Variants in DNAJC17 observed in about 807,000 individuals in gnomAD.
DNAJC17 encodes the protein dnaJ homolog subfamily C member 17.
Under a neutral mutation model 48.1 loss-of-function variants are expected in DNAJC17, and 35 were observed. The ratio of observed to expected loss-of-function variants is 0.73; its 90% CI spans 0.56 to 0.96. The LOEUF (loss-of-function observed/expected upper bound fraction) is 0.96, where lower values mean the gene tolerates loss of function less well. DNAJC17 is among the 50% of genes least tolerant of loss of function. The pLI, the probability that DNAJC17 is intolerant of heterozygous loss-of-function variation, is 0.00. For missense variants in DNAJC17, 355 were observed against 377.1 expected (o/e 0.94, Z 0.48); for synonymous variants, 117 against 142.7 (o/e 0.82, Z 1.28).
At position 40,807,456 on chromosome 15, in the gene DNAJC17, C is replaced by G. The variant is rs759376005; in HGVS notation, c.-10G>C. ...CCTTGGTCACTGCCATGGTTCCGGC[C>G]TGACGGATTCGTACTACAACTCCCA... On this transcript the variant is annotated 5_prime_UTR_variant, in exon 1 of 11. Coordinates refer to ENST00000220496, the MANE Select transcript of DNAJC17 (RefSeq NM_018163.3). 7 of 1,614,194 alleles carry G rather than the reference C, an allele frequency of 4.3e-6. No homozygotes were observed. The highest frequency in any genetic ancestry group is 5.9e-6 in the Non-Finnish European group (7 of 1,179,996).
At chr15:40,806,346 G>A (rs1782362264) in intron 1 of DNAJC17, among the ~76,000 whole-genome samples, 1 of 149,992 alleles carries the variant, frequency 6.7e-6, no homozygotes, top group African/African-American at 2.5e-5. Context: ...AGCCTCCCAA[G>A]TAGCTGGGAC....
rs114293944 is a variant in DNAJC17, at chr15:40,806,696, A to G, written c.78+673T>C. Reference sequence around the variant, plus strand: ...CATGATCCAGGGGGAGATAAAAGAAATCCTAAATCCAGCTTGATCAGTGTT... The same window carrying G: ...CATGATCCAGGGGGAGATAAAAGAAGTCCTAAATCCAGCTTGATCAGTGTT... On this transcript the variant is annotated intron_variant, in intron 1 of 10. Transcript: ENST00000220496. Among the ~76,000 whole-genome samples the G allele has an allele frequency of 6.6e-3, 999 of 152,210 alleles. 13 individuals are homozygous for G. The highest frequency in any genetic ancestry group is 0.023 in the African/African-American group (971 of 41,530).
chr15:40,776,781 A>C, intron 4 of DNAJC17, 154 bp from the exon 5 acceptor site: 1 of 677,178 alleles, frequency 1.5e-6, no homozygotes, highest in Non-Finnish European at 2.6e-6. Flanking sequence ...CCCCCGAGTC[A>C]ATTTCCATTG....
chr15:40,790,347 G>T (rs1201272059), intron 1 of DNAJC17, among the ~76,000 whole-genome samples: 1 of 152,184 alleles, frequency 6.6e-6, no homozygotes, highest in Non-Finnish European at 1.5e-5. Context: ...GCTGAGGCGG[G>T]TGGATCACTT....
In DNAJC17 at chr15:40,776,566, C is replaced by T. The variant is rs149784969; in HGVS notation, c.357G>A (p.Arg119=). 6.1e-5 allele frequency: 99 copies of T among 1,613,946 alleles called. No individual in the cohort carries two copies. The highest frequency in any genetic ancestry group is 4.9e-4 in the Middle Eastern group (3 of 6,084). Residue 119 remains arginine (R), a synonymous_variant, in exon 5 of 11, where the codon CGG becomes CGA. Transcript: ENST00000220496. ...AQESEEEEES[R]STRTLEQEIE... ...CCTCTTGCTCTAGTGTCCTGGTGCT[C>T]CGGCTCTCCTCTTCCTCCTCACTCT...
chr15:40,778,661 G>A (rs1412606532), intron 4 of DNAJC17, among the ~76,000 whole-genome samples: 1 of 152,194 alleles, frequency 6.6e-6, no homozygotes, highest in African/African-American at 2.4e-5. Context: ...TCAGAGGCCA[G>A]GTGCGGCAGC....
intron 1 of DNAJC17, among the ~76,000 whole-genome samples, chr15:40,804,114 G>GT (rs1355250032): frequency 4.6e-5 from 7 of 150,662 alleles, no homozygotes; most frequent in Non-Finnish European, 1.0e-4. Flanking sequence ...CTACAGGTGC[G>GT]TAACACCCTG....
intron 1 of DNAJC17, among the ~76,000 whole-genome samples, chr15:40,780,936 C>A (rs1195950059): frequency 6.6e-6 from 1 of 151,774 alleles, no homozygotes; most frequent in African/African-American, 2.4e-5. Context: ...CACTTGAGGT[C>A]AGGAGTAGGA....
chr15:40,768,035 CGTA>C lies in DNAJC17; in HGVS notation c.817_819del (p.Tyr273del), dbSNP rs1293152707. ...CGCATGCGCATCATGACGAGGCTCT[CGTA>C]GTCCCTCTCTGACAGCACTGAGCCC... is the stretch of plus-strand genomic sequence containing the variant. On this transcript the variant is annotated inframe_deletion, in exon 11 of 11. Coordinates refer to ENST00000220496, the MANE Select transcript of DNAJC17 (RefSeq NM_018163.3). The C allele has an allele frequency of 3.8e-6, 6 of 1,590,964 alleles. No homozygotes were observed. Among genetic ancestry groups the C allele is most frequent in the Non-Finnish European group, 5.1e-6 (6 of 1,170,878 alleles).
In DNAJC17 at chr15:40,769,572, C is replaced by A. The variant is rs1037741980; in HGVS notation, c.793-1510G>T. On this transcript the variant is annotated intron_variant, in intron 10 of 10. Transcript: ENST00000220496. The surrounding 1 kb of genome is among the most constrained non-coding windows in gnomAD (Gnocchi z 4.2). ...CTCCCCATTAACACACCCTCTGCCC[C>A]CCTTCCTGTTCCTGCTCGTGAGGGC... 3.3e-5 allele frequency among the ~76,000 whole-genome samples: 5 copies of A among 152,264 alleles called. No individual in the cohort carries two copies. Among genetic ancestry groups the A allele is most frequent in the African/African-American group, 9.6e-5 (4 of 41,474 alleles).
chr15:40,773,209 C>G (rs1268169176), intron 10 of DNAJC17, among the ~76,000 whole-genome samples: 1 of 152,184 alleles, frequency 6.6e-6, no homozygotes, highest in Non-Finnish European at 1.5e-5. Context: ...ATCCGCCCCC[C>G]TCGGCCTCCC....
At chr15:40,803,569 T>G (rs945827198) in intron 1 of DNAJC17, among the ~76,000 whole-genome samples, 6 of 152,324 alleles carry the variant, frequency 3.9e-5, no homozygotes, top group East Asian at 1.9e-4. Flanking sequence ...TTTGCTTTCT[T>G]GGAATGCCCT....
intron 4 of DNAJC17, among the ~76,000 whole-genome samples, chr15:40,777,516 C>T (rs1889363345): frequency 6.6e-6 from 1 of 151,890 alleles, no homozygotes; most frequent in Admixed American, 6.6e-5. Context: ...GTCAGGAGTT[C>T]GAGACCAGCC....
intron 8 of DNAJC17, among the ~76,000 whole-genome samples, chr15:40,774,645 G>A (rs1356936092): frequency 6.6e-6 from 1 of 152,266 alleles, no homozygotes; most frequent in Non-Finnish European, 1.5e-5. Flanking sequence ...GCAAAGGAAT[G>A]ATGAGCAAAG....
At chr15:40,779,717 G>A (rs1038116594) in intron 2 of DNAJC17, 114 bp from the exon 3 acceptor site, 4 of 1,255,774 alleles carry the variant, frequency 3.2e-6, no homozygotes, top group African/African-American at 1.5e-5. Flanking sequence ...CAGACAAGCC[G>A]ACATCAGCAG....
chr15:40,777,547 C>T (rs901188237), intron 4 of DNAJC17, among the ~76,000 whole-genome samples: 10 of 152,002 alleles, frequency 6.6e-5, no homozygotes, highest in Non-Finnish European at 1.3e-4. Flanking sequence ...GGCAAAACTC[C>T]GTCTCTACTA....
intron 6 of DNAJC17, among the ~76,000 whole-genome samples, 159 bp downstream of exon 6, chr15:40,776,037 G>A (rs181844747): frequency 2.6e-5 from 4 of 152,286 alleles, no homozygotes; most frequent in East Asian, 1.9e-4. Flanking sequence ...GGAGGAAGAC[G>A]GGATAAGTGG....
rs373968674 is a variant in DNAJC17, at chr15:40,807,404, G to A, written c.43C>T (p.Leu15=). 1.9e-6 allele frequency: 3 copies of A among 1,614,142 alleles called. No homozygotes were observed. The highest frequency in any genetic ancestry group is 1.7e-6 in the Non-Finnish European group (2 of 1,180,052). ...GCTGCCTTCTCCTCAATGCCTAGCAGCGCGTACAGGTCCATCTGTAAGAGC... is the reference window on the plus strand; with the variant it reads ...GCTGCCTTCTCCTCAATGCCTAGCAACGCGTACAGGTCCATCTGTAAGAGC... ...KELLQMDLYA[L]LGIEEKAADK... is the part of the protein sequence containing the mutation. The change falls in exon 1 of 11, where the codon CTG becomes TTG. Residue 15 remains leucine (L), a synonymous_variant. Coordinates refer to ENST00000220496, the MANE Select transcript of DNAJC17 (RefSeq NM_018163.3).
At chr15:40,775,710 C>T in intron 6 of DNAJC17, 114 bp from the exon 7 acceptor site, 1 of 1,047,984 alleles carries the variant, frequency 9.5e-7, no homozygotes, top group East Asian at 2.4e-5. Flanking sequence ...TGACCAAGGG[C>T]AATGCCTGCC....
Sources: allele counts gnomAD v4.1 joint callset (sites outside exome capture counted in the v4.1 genomes callset), GRCh38; gene constraint gnomAD v4.1.1; non-coding constraint Gnocchi (gnomAD v3.1); transcripts MANE v1.5; gene names NCBI Gene and HGNC (gene_info 2026-07-23, HGNC 2026-07-21).